Variants in NETO2 observed in about 807,000 individuals in gnomAD.
The protein encoded by NETO2 is neuropilin and tolloid-like protein 2.
In NETO2, 28 loss-of-function variants were observed where a neutral mutation model predicts 62.5. That is an observed-to-expected ratio of 0.45 (90% CI 0.33 to 0.61). NETO2 has a LOEUF of 0.61. Ranked by LOEUF, NETO2 falls within the 20% of genes least tolerant of loss-of-function variation. NETO2 has a pLI of 0.02. For synonymous variants in NETO2, 214 were observed against 219.1 expected, an observed-to-expected ratio of 0.98 and a Z score of 0.21; for missense variants, 548 against 643.2, an observed-to-expected ratio of 0.85 and a Z score of 1.60.
chr16:47,083,182 G>T lies in NETO2; in HGVS notation c.*39C>A, dbSNP rs376630483. ...GTATGGTGCCCTGGAGGCTGCGTAC[G>T]TACACACCCTAAGAATTCACATCAC... is the stretch of plus-strand genomic sequence containing the variant. On this transcript the variant is annotated 3_prime_UTR_variant, in exon 9 of 9. Transcript: ENST00000562435. 1 of 1,553,648 alleles carries T rather than the reference G, an allele frequency of 6.4e-7. No homozygotes were observed. Among genetic ancestry groups the T allele is most frequent in the Non-Finnish European group, 8.7e-7 (1 of 1,143,174 alleles).
rs551142915 is a variant in NETO2, at chr16:47,124,213, C to T, written c.482-1301G>A. Among the ~76,000 whole-genome samples, 252 of 152,196 alleles carry T rather than the reference C, an allele frequency of 1.7e-3. No homozygotes were observed. In the Middle Eastern group the frequency reaches 0.017, roughly 10 times the overall value. ...ATCCTTGCTGAAAGAGGACAATAGACACTTCTGCTCTTTTGCAGAGAAATG... is the reference window on the plus strand; with the variant it reads ...ATCCTTGCTGAAAGAGGACAATAGATACTTCTGCTCTTTTGCAGAGAAATG... On this transcript the variant is annotated intron_variant, in intron 4 of 8. Transcript: ENST00000562435.
At chr16:47,134,370 T>A (rs1417124976) in intron 1 of NETO2, among the ~76,000 whole-genome samples, 1 of 152,174 alleles carries the variant, frequency 6.6e-6, no homozygotes, top group East Asian at 1.9e-4. Flanking sequence ...AGATCTCACG[T>A]TATGCTGAGA....
chr16:47,085,715 T>C (rs568051242), intron 8 of NETO2, among the ~76,000 whole-genome samples: 87 of 152,248 alleles, frequency 5.7e-4, no homozygotes, highest in Middle Eastern at 3.4e-3. Context: ...TAACAGTTTG[T>C]AGACAAAAAA....
chr16:47,088,904 CA>C (rs1234324888), intron 7 of NETO2, among the ~76,000 whole-genome samples: 2 of 152,136 alleles, frequency 1.3e-5, no homozygotes, highest in Non-Finnish European at 2.9e-5. Flanking sequence ...TAGATAACTC[CA>C]AAACATAATC....
chr16:47,117,207 T>A (rs1963940983), intron 6 of NETO2, among the ~76,000 whole-genome samples: 1 of 152,200 alleles, frequency 6.6e-6, no homozygotes, highest in Admixed American at 6.5e-5. Flanking sequence ...TACCTTTGGC[T>A]TCCATCATTT....
chr16:47,111,147 T>G (rs1275840437), intron 6 of NETO2, among the ~76,000 whole-genome samples: 1 of 152,216 alleles, frequency 6.6e-6, no homozygotes, highest in Non-Finnish European at 1.5e-5. Flanking sequence ...CACTAGACTG[T>G]GATGTCTTCC....
intron 2 of NETO2, among the ~76,000 whole-genome samples, chr16:47,131,550 TA>T (rs562591880): frequency 2.6e-5 from 4 of 151,968 alleles, no homozygotes; most frequent in African/African-American, 4.8e-5. Context: ...AAAATCTGGC[TA>T]AAAAAAATCA....
chr16:47,114,950 T>C (rs956836747), intron 6 of NETO2, among the ~76,000 whole-genome samples: 1 of 152,174 alleles, frequency 6.6e-6, no homozygotes, highest in Non-Finnish European at 1.5e-5. Context: ...AGGGTTCATT[T>C]TTTTTTTCTT....
chr16:47,129,308 G>A lies in NETO2; in HGVS notation c.148C>T (p.Arg50Ter), dbSNP rs1308137797. 5.6e-6 allele frequency: 9 copies of A among 1,613,798 alleles called. No homozygotes were observed. Among genetic ancestry groups the A allele is most frequent in the South Asian group, 1.1e-5 (1 of 91,068 alleles). ...GCAAAATGACCTCCATTGCTGGTTC[G>A]AACCCAAATGCCACACTGGGTTGCA... ...IPATQCGIWV[R>*]TSNGGHFASP... Residue 50 changes from arginine (R) to a stop codon, truncating the protein, a stop_gained, in exon 3 of 9, where the codon CGA becomes TGA. Coordinates refer to ENST00000562435, the MANE Select transcript of NETO2 (RefSeq NM_018092.5). LOFTEE classifies it high-confidence loss of function.
chr16:47,111,374 T>A (rs1438579348), intron 6 of NETO2, among the ~76,000 whole-genome samples: 2 of 152,196 alleles, frequency 1.3e-5, no homozygotes, highest in African/African-American at 2.4e-5. Flanking sequence ...GACATATTTT[T>A]AAAAAAACAT....
At chr16:47,128,149 C>A (rs1964193329) in intron 4 of NETO2, among the ~76,000 whole-genome samples, 176 bp downstream of exon 4, 1 of 152,096 alleles carries the variant, frequency 6.6e-6, no homozygotes, top group Non-Finnish European at 1.5e-5. Context: ...GTTTCTATGT[C>A]CAATTTCTAT....
intron 6 of NETO2, among the ~76,000 whole-genome samples, chr16:47,119,980 G>A (rs1200229854): frequency 6.6e-6 from 1 of 152,186 alleles, no homozygotes; most frequent in East Asian, 1.9e-4. Context: ...GCAAGATACT[G>A]TGTCCATTAA....
intron 1 of NETO2, among the ~76,000 whole-genome samples, chr16:47,134,363 T>A (rs1322193671): frequency 6.6e-6 from 1 of 152,148 alleles, no homozygotes; most frequent in East Asian, 1.9e-4. Flanking sequence ...GTGTTGAAGA[T>A]CTCACGTTAT....
At chr16:47,133,567 A>G (rs538818898) in intron 1 of NETO2, among the ~76,000 whole-genome samples, 2 of 151,112 alleles carry the variant, frequency 1.3e-5, no homozygotes, top group East Asian at 3.9e-4. Context: ...TCAATAACAT[A>G]AAGTAACATA....
intron 7 of NETO2, among the ~76,000 whole-genome samples, chr16:47,103,483 T>A (rs1040537963): frequency 6.6e-6 from 1 of 152,080 alleles, no homozygotes; most frequent in Admixed American, 6.6e-5. Flanking sequence ...TTTGAAAAAG[T>A]TGAAGAACAA....
Position 47,105,019 on chromosome 16 carries a change from C to CT in NETO2, c.883+4463dup, listed in dbSNP as rs759872893. 1.3e-3 allele frequency among the ~76,000 whole-genome samples: 172 copies of CT among 136,038 alleles called. 1 individual carries two copies. The highest frequency in any genetic ancestry group is 2.0e-3 in the South Asian group (9 of 4,516). 89.2% of individuals were successfully genotyped at this position (136,038 alleles called of 152,430 possible). ...ACAGGCATGAGCCACTGTGCCTGGCCTTTTTTTTTTTCTTTTTTTTACTTT... is the reference window on the plus strand; with the variant it reads ...ACAGGCATGAGCCACTGTGCCTGGCCTTTTTTTTTTTTCTTTTTTTTACTTT... On this transcript the variant is annotated intron_variant, in intron 7 of 8. Coordinates refer to ENST00000562435, the MANE Select transcript of NETO2 (RefSeq NM_018092.5).
chr16:47,118,461 G>T (rs1176852155), intron 6 of NETO2, among the ~76,000 whole-genome samples: 4 of 152,036 alleles, frequency 2.6e-5, no homozygotes, highest in Non-Finnish European at 5.9e-5. Flanking sequence ...AGTTCCTCTG[G>T]CCAGAAAGAC....
intron 1 of NETO2, among the ~76,000 whole-genome samples, chr16:47,137,185 T>C (rs1263997206): frequency 6.6e-6 from 1 of 152,182 alleles, no homozygotes; most frequent in Non-Finnish European, 1.5e-5. Flanking sequence ...TACTTCCAGG[T>C]GTGGGAACTG....
chr16:47,113,593 T>A (rs1963847082), intron 6 of NETO2, among the ~76,000 whole-genome samples: 1 of 149,194 alleles, frequency 6.7e-6, no homozygotes, highest in Middle Eastern at 3.4e-3. Context: ...TTCTTTTTTT[T>A]TTTTTTTTTT....
Sources: gnomAD v4.1 joint callset for allele counts (sites outside exome capture counted in the v4.1 genomes callset) on GRCh38, gnomAD v4.1.1 for gene constraint, MANE v1.5 for transcripts, NCBI Gene and HGNC (gene_info 2026-07-23, HGNC 2026-07-21) for gene names.